The following FOXK2 variants were observed in gnomAD, a reference collection of about 807,000 sequenced individuals.
FOXK2 encodes the protein forkhead box K2.
A neutral mutation model predicts 53.3 loss-of-function variants in FOXK2; 24 were observed. That is an observed-to-expected ratio of 0.45 (90% confidence interval 0.33 to 0.63). FOXK2 has a LOEUF of 0.63. FOXK2 is among the 30% of genes least tolerant of loss of function. The pLI is 0.03. For missense variants in FOXK2, 952 were observed against 910.5 expected, an observed-to-expected ratio of 1.05 and a Z score of -0.59; for synonymous variants, 505 against 407.1, an observed-to-expected ratio of 1.24 and a Z score of -2.89.
intron 1 of FOXK2, among the ~76,000 whole-genome samples, chr17:82,530,591 A>G (rs769670156): frequency 6.7e-6 from 1 of 150,058 alleles, no homozygotes; most frequent in Non-Finnish European, 1.5e-5. Context: ...GCTCACTGCA[A>G]CGTCCTCCTC....
chr17:82,546,388 A>C (rs1156580817), intron 1 of FOXK2, among the ~76,000 whole-genome samples: 1 of 151,764 alleles, frequency 6.6e-6, no homozygotes, highest in Non-Finnish European at 1.5e-5. Context: ...GAGTGCTGGG[A>C]TCGCAGGCAT....
At chr17:82,525,195 A>G (rs996187616) in intron 1 of FOXK2, among the ~76,000 whole-genome samples, 4 of 150,946 alleles carry the variant, frequency 2.6e-5, no homozygotes, top group Non-Finnish European at 5.9e-5. Flanking sequence ...TTTGAGATGG[A>G]ATCTTGCTTT....
At chr17:82,583,720 A>G (rs2045095857) in intron 5 of FOXK2, among the ~76,000 whole-genome samples, 1 of 152,092 alleles carries the variant, frequency 6.6e-6, no homozygotes, top group Non-Finnish European at 1.5e-5. Flanking sequence ...TGCCGGCTCC[A>G]CCGTCAGTGC....
Position 82,544,547 on chromosome 17 carries a change from G to A in FOXK2, c.420-18807G>A, listed in dbSNP as rs114022263. On this transcript the variant is annotated intron_variant, in intron 1 of 8. Transcript: ENST00000335255. ...TATGATTTCTTATTCCCAGCACTGC[G>A]TCATCCAACATGTGAGCATTTCTGT... 5.8e-4 allele frequency among the ~76,000 whole-genome samples: 88 copies of A among 152,266 alleles called. 1 individual carries two copies. The highest frequency in any genetic ancestry group is 1.9e-3 in the African/African-American group (78 of 41,550).
intron 1 of FOXK2, among the ~76,000 whole-genome samples, chr17:82,525,138 G>A (rs1276316376): frequency 6.6e-6 from 1 of 151,776 alleles, no homozygotes; most frequent in Non-Finnish European, 1.5e-5. Context: ...ACCATGCCCG[G>A]CTAATTTTTG....
chr17:82,565,798 A>T (rs1355881608), intron 2 of FOXK2, among the ~76,000 whole-genome samples: 2 of 152,198 alleles, frequency 1.3e-5, no homozygotes, highest in Non-Finnish European at 2.9e-5. Flanking sequence ...CAGCAACCCC[A>T]CTTCTGGATA....
intron 1 of FOXK2, among the ~76,000 whole-genome samples, chr17:82,537,333 C>T (rs2044530235): frequency 1.3e-5 from 2 of 151,892 alleles, no homozygotes. Flanking sequence ...ACATTTAGAC[C>T]GTAAAAGTGG....
chr17:82,527,481 T>C (rs2044429821), intron 1 of FOXK2, among the ~76,000 whole-genome samples: 1 of 151,896 alleles, frequency 6.6e-6, no homozygotes, highest in Non-Finnish European at 1.5e-5. Flanking sequence ...ATACAAAAAT[T>C]AACTGGGCAT....
At chr17:82,530,035 T>A (rs2044458214) in intron 1 of FOXK2, among the ~76,000 whole-genome samples, 1 of 152,240 alleles carries the variant, frequency 6.6e-6, no homozygotes, top group African/African-American at 2.4e-5. Flanking sequence ...TTTGTGTTCC[T>A]GGTTCCACTG....
chr17:82,553,643 C>T (rs2044696992), intron 1 of FOXK2, among the ~76,000 whole-genome samples: 1 of 152,214 alleles, frequency 6.6e-6, no homozygotes, highest in African/African-American at 2.4e-5. Flanking sequence ...GATCCACATT[C>T]ACAGGCGTGG....
intron 1 of FOXK2, among the ~76,000 whole-genome samples, chr17:82,543,694 G>A (rs1040498313): frequency 2.0e-5 from 3 of 151,776 alleles, no homozygotes; most frequent in African/African-American, 7.3e-5. Flanking sequence ...ATGGCTCACT[G>A]CAGCCTTGAA....
Position 82,585,949 on chromosome 17 carries a change from A to C in FOXK2, c.1325A>C (p.Gln442Pro), listed in dbSNP as rs1314207594. ...SQPVLITVQR[Q>P]LPQAIKPVTY... Reference sequence around the variant, plus strand: ...CCAGTCTTAATCACCGTCCAGCGGCAGCTACCACAGGCCATCAAGCCTGTC... The same window carrying C: ...CCAGTCTTAATCACCGTCCAGCGGCCGCTACCACAGGCCATCAAGCCTGTC... The change falls in exon 7 of 9, where the codon CAG (glutamine) becomes CCG (proline). Residue 442 changes from glutamine (Q) to proline (P), a missense_variant. Transcript: ENST00000335255. The C allele has an allele frequency of 6.2e-7, 1 of 1,612,706 alleles. No individual in the cohort carries two copies.
At position 82,575,986 on chromosome 17, in the gene FOXK2, G is replaced by A. The variant is rs193230994; in HGVS notation, c.909+4116G>A. Among the ~76,000 whole-genome samples, 13 of 87,886 alleles carry A rather than the reference G, an allele frequency of 1.5e-4. No homozygotes were observed. The East Asian group carries it at 3.6e-3, about 25-fold the overall frequency. The allele number at this position is 87,886 out of a possible 152,430, so 57.7% of individuals were successfully genotyped here. Reference sequence around the variant, plus strand: ...GTGCTCGGGTGGCGGCGGCGGGTTCGTCCACACGTCCACACCAGCGTGTGT... The same window carrying A: ...GTGCTCGGGTGGCGGCGGCGGGTTCATCCACACGTCCACACCAGCGTGTGT... On this transcript the variant is annotated intron_variant, in intron 4 of 8. Transcript: ENST00000335255.
chr17:82,560,476 G>C (rs943090349), intron 1 of FOXK2, among the ~76,000 whole-genome samples: 3 of 152,224 alleles, frequency 2.0e-5, no homozygotes, highest in African/African-American at 7.2e-5. Flanking sequence ...GCGCAGGCTG[G>C]CTTTGAGCTC....
intron 1 of FOXK2, among the ~76,000 whole-genome samples, chr17:82,539,936 A>G (rs2044558598): frequency 1.3e-5 from 2 of 151,566 alleles, no homozygotes; most frequent in Admixed American, 6.6e-5. Context: ...ACTGCACTCC[A>G]GCCTGGGTGA....
chr17:82,596,365 G>A (rs1262815395), intron 8 of FOXK2, among the ~76,000 whole-genome samples: 1 of 142,012 alleles, frequency 7.0e-6, no homozygotes, highest in African/African-American at 2.6e-5. Flanking sequence ...TTGGTGTAGG[G>A]GGACCCTCAG....
At chr17:82,551,394 G>A (rs2044676261) in intron 1 of FOXK2, among the ~76,000 whole-genome samples, 1 of 151,940 alleles carries the variant, frequency 6.6e-6, no homozygotes, top group Non-Finnish European at 1.5e-5. Context: ...AGTTAAAGCT[G>A]GCCAGGCACG....
chr17:82,563,321 A>C (rs752833927), intron 1 of FOXK2, 33 bp from the exon 2 acceptor site: 2 of 1,595,312 alleles, frequency 1.3e-6, no homozygotes, highest in Admixed American at 1.7e-5. Context: ...CTGGAACAGC[A>C]AAAGGTGCTG....
intron 1 of FOXK2, among the ~76,000 whole-genome samples, chr17:82,527,426 C>T (rs926270230): frequency 2.0e-5 from 3 of 152,068 alleles, no homozygotes; most frequent in Non-Finnish European, 4.4e-5. Flanking sequence ...GTCAGGAGTT[C>T]GAGATCAGCC....
Sources: gnomAD v4.1 joint callset for allele counts (sites outside exome capture counted in the v4.1 genomes callset) on GRCh38, gnomAD v4.1.1 for gene constraint, MANE v1.5 for transcripts, NCBI Gene and HGNC (gene_info 2026-07-23, HGNC 2026-07-21) for gene names.